ZFPM1: variants seen among roughly 807,000 people sequenced by gnomAD.
ZFPM1 encodes the protein zinc finger protein ZFPM1.
A neutral mutation model predicts 46.3 loss-of-function variants in ZFPM1; 28 were observed. The ratio of observed to expected loss-of-function variants is 0.60; its 90% CI spans 0.45 to 0.83. ZFPM1 has a LOEUF of 0.83. Among genes scored for constraint, ZFPM1 ranks in the 40% least tolerant of loss-of-function variants. The probability of loss-of-function intolerance (pLI) is 0.00; values close to 1 mark genes in which losing one functional copy is unlikely to be tolerated. For synonymous variants in ZFPM1, 957 were observed against 675.9 expected (o/e 1.42, Z -6.45); for missense variants, 1,878 against 1,432.4 (o/e 1.31, Z -5.02).
intron 4 of ZFPM1, chr16:88,516,630 T>C (rs1368565030): frequency 5.0e-6 from 2 of 398,564 alleles, no homozygotes; most frequent in Non-Finnish European, 8.8e-6. Context: ...CTTCAAGATA[T>C]GCACGCCTTT....
intron 4 of ZFPM1, among the ~76,000 whole-genome samples, chr16:88,518,124 G>T (rs900948294): frequency 2.0e-5 from 3 of 152,002 alleles, no homozygotes; most frequent in African/African-American, 7.3e-5. Flanking sequence ...AGAATGGTGT[G>T]AACCCGGGAG....
intron 4 of ZFPM1, among the ~76,000 whole-genome samples, chr16:88,519,938 GATGGATGGATGA>G (rs1293383013): frequency 3.1e-4 from 45 of 144,176 alleles, no homozygotes; most frequent in African/African-American, 1.1e-3. Flanking sequence ...TGGATGAGTG[GATGGATGGATGA>G]ATGGATGGAT....
intron 4 of ZFPM1, among the ~76,000 whole-genome samples, chr16:88,524,804 C>G (rs926386254): frequency 2.0e-5 from 3 of 152,230 alleles, no homozygotes; most frequent in Non-Finnish European, 4.4e-5. Flanking sequence ...GGCTCGGCCG[C>G]CCCTCTGTCC....
chr16:88,516,977 A>G (rs2306423), intron 4 of ZFPM1, among the ~76,000 whole-genome samples: 56,163 of 151,980 alleles, frequency 0.37, 10,958 homozygotes, highest in African/African-American at 0.48. Context: ...ACAAGTCCCC[A>G]GCCGAGTCAG....
At chr16:88,514,014 C>G (rs922218065) in intron 3 of ZFPM1, among the ~76,000 whole-genome samples, 11 of 152,354 alleles carry the variant, frequency 7.2e-5, no homozygotes, top group African/African-American at 2.4e-4. Context: ...AGACTGCAGG[C>G]TGATGTATCT....
At chr16:88,507,100 G>C (rs990908721) in intron 3 of ZFPM1, among the ~76,000 whole-genome samples, 1 of 152,200 alleles carries the variant, frequency 6.6e-6, no homozygotes, top group Non-Finnish European at 1.5e-5. Flanking sequence ...ACTACCCAAG[G>C]GGTGGGATTC....
intron 1 of ZFPM1, among the ~76,000 whole-genome samples, chr16:88,485,472 C>T (rs1909170587): frequency 6.7e-6 from 1 of 149,778 alleles, no homozygotes; most frequent in African/African-American, 2.5e-5. Flanking sequence ...AGAGGTCTCA[C>T]TCTGTCACCC....
chr16:88,458,502 G>T (rs1004085774), intron 1 of ZFPM1, among the ~76,000 whole-genome samples: 2 of 152,266 alleles, frequency 1.3e-5, no homozygotes, highest in Non-Finnish European at 2.9e-5. Context: ...GAGGGAATGT[G>T]ATGCCATTAA....
In ZFPM1 at chr16:88,512,536, C is replaced by G. The variant is rs1479347286; in HGVS notation, c.269-1851C>G. 3.9e-5 allele frequency among the ~76,000 whole-genome samples: 6 copies of G among 152,204 alleles called. 2 individuals carry two copies. The highest frequency in any genetic ancestry group is 3.9e-4 in the Admixed American group (6 of 15,294). On this transcript the variant is annotated intron_variant, in intron 3 of 9. Coordinates refer to ENST00000319555, the MANE Select transcript of ZFPM1 (RefSeq NM_153813.3). The stretch of plus-strand genomic sequence containing the variant: ...CTTCTCGGACAAGGGGTCCTCTTGG[C>G]CCCCCACCCCGCCCTGCCCCCCAGG...
chr16:88,517,227 T>G, intron 4 of ZFPM1, among the ~76,000 whole-genome samples: 1 of 44,882 alleles, frequency 2.2e-5, no homozygotes. Context: ...GATGGATGGA[T>G]GGGTGGGTGG....
rs1910016443 is a variant in ZFPM1, at chr16:88,497,761, C to T, written c.268+8608C>T. ...TGAGGCCCACGAAGGGTCCCCCGCC[C>T]CAGGGTCCCGACAGGGCCCGCCCGA... On this transcript the variant is annotated intron_variant, in intron 3 of 9. Transcript: ENST00000319555. The surrounding 1 kb of genome is among the most constrained non-coding windows in gnomAD (Gnocchi z 5.4). Among the ~76,000 whole-genome samples, 1 of 152,170 alleles carries T rather than the reference C, an allele frequency of 6.6e-6. No homozygotes were observed. The highest frequency in any genetic ancestry group is 2.4e-5 in the African/African-American group (1 of 41,436).
At chr16:88,489,222 G>A in intron 3 of ZFPM1, 69 bp downstream of exon 3, 3 of 1,513,098 alleles carry the variant, frequency 2.0e-6, no homozygotes, top group East Asian at 2.5e-5. Flanking sequence ...CTGGGAGCAG[G>A]GCGACGTGGG....
chr16:88,464,742 C>T (rs1908057174), intron 1 of ZFPM1, among the ~76,000 whole-genome samples: 3 of 152,356 alleles, frequency 2.0e-5, no homozygotes, highest in East Asian at 1.9e-4. Flanking sequence ...GGGCCTCTGG[C>T]GGGCACAGGT....
At position 88,534,349 on chromosome 16, in the gene ZFPM1, G is replaced by T; in HGVS notation, c.2391G>T (p.Leu797=). Residue 797 remains leucine (L), a synonymous_variant, in exon 10 of 10, where the codon CTG becomes CTT. Transcript: ENST00000319555. ...PGPAADGPID[L]SKKPRRPLPG... ...CCGCGGCCGACGGCCCCATCGACCT[G>T]AGCAAGAAGCCGCGGCGCCCGCTCC... The T allele has an allele frequency of 7.1e-7, 1 of 1,413,518 alleles. No individual in the cohort carries two copies. The highest frequency in any genetic ancestry group is 3.2e-5 in the East Asian group (1 of 31,620). The allele number at this position is 1,413,518 out of a possible 1,614,324, so 87.6% of individuals were successfully genotyped here.
intron 1 of ZFPM1, among the ~76,000 whole-genome samples, chr16:88,470,853 G>A (rs933627402): frequency 1.6e-4 from 24 of 150,770 alleles, no homozygotes; most frequent in African/African-American, 5.6e-4. Flanking sequence ...GGGTGGTGAC[G>A]CTGAGTGACA....
At chr16:88,508,549 C>G (rs1168484374) in intron 3 of ZFPM1, among the ~76,000 whole-genome samples, 1 of 152,228 alleles carries the variant, frequency 6.6e-6, no homozygotes, top group Non-Finnish European at 1.5e-5. Context: ...CCCATCCCGA[C>G]GCTCACTCTG....
In ZFPM1 at chr16:88,533,160, G is replaced by C. The variant is rs200315780; in HGVS notation, c.1202G>C (p.Ser401Thr). 1.7e-5 allele frequency: 26 copies of C among 1,501,636 alleles called. No individual in the cohort carries two copies. In the East Asian group the frequency reaches 5.2e-4, roughly 30 times the overall value. The allele number at this position is 1,501,636 out of a possible 1,614,324, so 93.0% of individuals were successfully genotyped here. ...ATKLPPDSLG[S>T]FQQQHTALQG... ...GATCTCTCTGCAGACAGTCTGGGCA[G>C]CTTCCAGCAGCAGCACACGGCCCTG... Residue 401 changes from serine (S) to threonine (T), a missense_variant, in exon 10 of 10, where the codon AGC becomes ACC. Ser to Thr is a moderately conservative substitution (Grantham distance 58). Transcript: ENST00000319555.
intron 4 of ZFPM1, among the ~76,000 whole-genome samples, chr16:88,523,797 C>A (rs781348156): frequency 1.3e-5 from 2 of 152,176 alleles, no homozygotes; most frequent in African/African-American, 4.8e-5. Context: ...TGTTCCCTCC[C>A]GGGTCGGGGG....
At chr16:88,496,160 T>A (rs894344534) in intron 3 of ZFPM1, among the ~76,000 whole-genome samples, 1 of 152,086 alleles carries the variant, frequency 6.6e-6, no homozygotes, top group South Asian at 2.1e-4. Context: ...CAGGGAGAAT[T>A]TTCCTGGTGG....
Sources: gnomAD v4.1 joint callset for allele counts (sites outside exome capture counted in the v4.1 genomes callset) on GRCh38, gnomAD v4.1.1 for gene constraint, Gnocchi (gnomAD v3.1) non-coding constraint, MANE v1.5 for transcripts, NCBI Gene and HGNC (gene_info 2026-07-23, HGNC 2026-07-21) for gene names.